Variants in USP25 observed in about 807,000 individuals in gnomAD.
USP25 encodes the protein ubiquitin specific peptidase 25.
A neutral mutation model predicts 158.5 loss-of-function variants in USP25; 85 were observed. The ratio of observed to expected loss-of-function variants is 0.54; its 90% CI spans 0.45 to 0.64. The LOEUF is 0.64. Ranked by LOEUF, USP25 falls within the 30% of genes least tolerant of loss-of-function variation. The pLI is 0.00. For synonymous variants in USP25, 464 were observed against 460.4 expected (o/e 1.01, Z -0.10); for missense variants, 1,242 against 1,327.3 (o/e 0.94, Z 1.00).
In USP25 at chr21:15,865,411, A is replaced by G. The variant is rs144811693; in HGVS notation, c.2727-855A>G. 8.5e-5 allele frequency among the ~76,000 whole-genome samples: 13 copies of G among 152,328 alleles called. No individual in the cohort carries two copies. In the East Asian group the frequency reaches 1.9e-3, roughly 23 times the overall value. On this transcript the variant is annotated intron_variant, in intron 21 of 25. Coordinates refer to ENST00000400183, the MANE Select transcript of USP25 (RefSeq NM_001283041.3). Reference sequence around the variant, plus strand: ...GAGGCAAAGCATCTGGATTGATCCTACCTTATTAGATATGTGCCGTGAAAT... The same window carrying G: ...GAGGCAAAGCATCTGGATTGATCCTGCCTTATTAGATATGTGCCGTGAAAT...
chr21:15,732,353 C>G (rs1167822105), intron 1 of USP25, among the ~76,000 whole-genome samples: 1 of 152,112 alleles, frequency 6.6e-6, no homozygotes, highest in Non-Finnish European at 1.5e-5. Flanking sequence ...TATTAATACA[C>G]GATTACTTTG....
At chr21:15,788,028 G>A (rs530181655) in intron 4 of USP25, among the ~76,000 whole-genome samples, 5 of 151,366 alleles carry the variant, frequency 3.3e-5, no homozygotes, top group South Asian at 2.1e-4. Flanking sequence ...ACATTTTGTC[G>A]TCTTTTTATA....
Position 15,805,256 on chromosome 21 carries a change from C to A in USP25, c.778C>A (p.Gln260Lys). Residue 260 changes from glutamine to lysine, a missense_variant and splice_region_variant, in exon 7 of 26, where the codon CAG becomes AAG. Transcript: ENST00000400183. Reference protein sequence around the residue: ...KDAFKSNDSQQQDVSEFTHKL... With the variant: ...KDAFKSNDSQKQDVSEFTHKL... ...TGCTTTCAAATCAAATGACTCACAG[C>A]AGGTAGTTCTGTTGCACTGACTTGT... is the stretch of plus-strand genomic sequence containing the variant. The A allele has an allele frequency of 1.3e-6, 2 of 1,594,542 alleles. No individual in the cohort carries two copies. The highest frequency in any genetic ancestry group is 8.5e-7 in the Non-Finnish European group (1 of 1,173,144).
At chr21:15,818,868 TC>T (rs779671377) in intron 10 of USP25, 22 bp downstream of exon 10, 2 of 1,611,324 alleles carry the variant, frequency 1.2e-6, no homozygotes. Flanking sequence ...ATTTTCATTG[TC>T]CCCTTTCTTC....
At chr21:15,867,762 A>G (rs566462352) in intron 22 of USP25, among the ~76,000 whole-genome samples, 87 of 152,278 alleles carry the variant, frequency 5.7e-4, no homozygotes, top group Middle Eastern at 3.4e-3. Flanking sequence ...TTACAATAGT[A>G]TCTGAAACTA....
Position 15,843,093 on chromosome 21 carries a change from G to A in USP25, c.2337+553G>A, listed in dbSNP as rs979313345. On this transcript the variant is annotated intron_variant, in intron 18 of 25. Coordinates refer to ENST00000400183, the MANE Select transcript of USP25 (RefSeq NM_001283041.3). The surrounding 1 kb of genome is among the most constrained non-coding windows in gnomAD (Gnocchi z 4.0). Reference sequence around the variant, plus strand: ...ACGTCCTGTGCAAAAACGTCATTAGGCTACTCTATTGTAGTTTTCAACTAC... The same window carrying A: ...ACGTCCTGTGCAAAAACGTCATTAGACTACTCTATTGTAGTTTTCAACTAC... 6.6e-6 allele frequency among the ~76,000 whole-genome samples: 1 copy of A among 152,004 alleles called. No individual in the cohort carries two copies.
intron 8 of USP25, among the ~76,000 whole-genome samples, chr21:15,809,568 A>T (rs1327001950): frequency 6.6e-6 from 1 of 152,222 alleles, no homozygotes; most frequent in Non-Finnish European, 1.5e-5. Flanking sequence ...GAAATGGTAC[A>T]GCCACTGTGG....
At chr21:15,841,839 T>G (rs2038348958) in intron 17 of USP25, among the ~76,000 whole-genome samples, 1 of 152,120 alleles carries the variant, frequency 6.6e-6, no homozygotes, top group Non-Finnish European at 1.5e-5. Flanking sequence ...TGTACATTGT[T>G]GGATATATAA....
intron 5 of USP25, among the ~76,000 whole-genome samples, chr21:15,794,012 G>A (rs1723898661): frequency 6.6e-6 from 1 of 151,516 alleles, no homozygotes; most frequent in Admixed American, 6.6e-5. Flanking sequence ...GTTTTCCACA[G>A]TGAGTTGGAA....
At chr21:15,844,150 A>G (rs1389866603) in intron 18 of USP25, among the ~76,000 whole-genome samples, 2 of 152,094 alleles carry the variant, frequency 1.3e-5, no homozygotes, top group Non-Finnish European at 1.5e-5. Context: ...CCCATTGCAT[A>G]TGTAAATCCT....
intron 14 of USP25, among the ~76,000 whole-genome samples, chr21:15,829,258 C>A (rs1377533961): frequency 6.6e-6 from 1 of 152,116 alleles, no homozygotes; most frequent in Non-Finnish European, 1.5e-5. Context: ...TTTCATCATG[C>A]AGGTAATAAG....
At chr21:15,817,135 A>G (rs1056210258) in intron 9 of USP25, among the ~76,000 whole-genome samples, 45 of 151,774 alleles carry the variant, frequency 3.0e-4, no homozygotes, top group Non-Finnish European at 5.3e-4. Flanking sequence ...CTGTCTCAAT[A>G]AAAAATAAAA....
chr21:15,847,526 G>A (rs138252935), intron 18 of USP25, 137 bp from the exon 19 acceptor site: 55 of 582,488 alleles, frequency 9.4e-5, no homozygotes, highest in Middle Eastern at 4.7e-4. Flanking sequence ...GTGCATGTGC[G>A]TTGGAACTTT....
chr21:15,847,923 A>G lies in USP25; in HGVS notation c.2451+147A>G, dbSNP rs550614423. 6.7e-5 allele frequency: 30 copies of G among 444,464 alleles called. No individual in the cohort carries two copies. The South Asian group carries it at 2.0e-3, about 29-fold the overall frequency. 27.5% of individuals were successfully genotyped at this position (444,464 alleles called of 1,614,324 possible). A position where few individuals can be genotyped will look rare whatever the true frequency, so the allele number is the denominator to read the frequency against. On this transcript the variant is annotated intron_variant, in intron 19 of 25. Transcript: ENST00000400183. ...CTCATAGTCCAAAATTACTTTACCA[A>G]TTATTAACAGAACTTTGAATTTCAA...
intron 20 of USP25, among the ~76,000 whole-genome samples, chr21:15,858,571 CATTTT>C (rs2146528361): frequency 6.6e-6 from 1 of 151,470 alleles, no homozygotes; most frequent in East Asian, 1.9e-4. Flanking sequence ...AATGGTTTTT[CATTTT>C]ATTTTCTTGA....
intron 1 of USP25, among the ~76,000 whole-genome samples, chr21:15,735,964 CTGTGTGTGTGTGTGTGTA>C (rs1423557398): frequency 6.9e-6 from 1 of 145,040 alleles, no homozygotes; most frequent in African/African-American, 2.6e-5. Context: ...TGTCCTAAAT[CTGTGTGTGTGTGTGTGTA>C]TGTGTGTGTG....
chr21:15,844,847 TC>T (rs1406934827), intron 18 of USP25, among the ~76,000 whole-genome samples: 6 of 152,154 alleles, frequency 3.9e-5, no homozygotes, highest in Admixed American at 3.9e-4. Flanking sequence ...TGTGTTGCCT[TC>T]TTTTAATCAC....
intron 20 of USP25, among the ~76,000 whole-genome samples, chr21:15,851,503 T>TACAC (rs10595077): frequency 5.7e-4 from 84 of 147,778 alleles, no homozygotes; most frequent in Non-Finnish European, 9.8e-4. Flanking sequence ...CTATCCCCCA[T>TACAC]ACACACACAC....
chr21:15,865,801 ATTTC>A (rs1174285706), intron 21 of USP25, among the ~76,000 whole-genome samples: 2 of 151,982 alleles, frequency 1.3e-5, no homozygotes, highest in African/African-American at 4.8e-5. Context: ...TTTCGTGAGG[ATTTC>A]TTTATCACTG....
Sources: gnomAD v4.1 joint callset for allele counts (sites outside exome capture counted in the v4.1 genomes callset) on GRCh38, gnomAD v4.1.1 for gene constraint, Gnocchi (gnomAD v3.1) non-coding constraint, MANE v1.5 for transcripts, NCBI Gene and HGNC (gene_info 2026-07-23, HGNC 2026-07-21) for gene names.